Variants in SULT4A1 observed in about 807,000 individuals in gnomAD.
SULT4A1 encodes sulfotransferase 4A1.
Under a neutral mutation model 35.2 loss-of-function variants are expected in SULT4A1, and 11 were observed. The observed-to-expected ratio is 0.31, with a 90% confidence interval of 0.20 to 0.52. SULT4A1 has a LOEUF of 0.52. Among genes scored for constraint, SULT4A1 ranks in the 20% least tolerant of loss-of-function variants. The pLI is 0.97. For missense variants in SULT4A1, 271 were observed against 383.7 expected (o/e 0.71, Z 2.45); for synonymous variants, 152 against 151.8 (o/e 1.00, Z -0.01).
intron 1 of SULT4A1, among the ~76,000 whole-genome samples, chr22:43,849,652 G>C (rs981150082): frequency 6.6e-6 from 1 of 152,136 alleles, no homozygotes; most frequent in Non-Finnish European, 1.5e-5. Flanking sequence ...TTCCCGCTGA[G>C]AGCCACTTTC....
At chr22:43,854,735 T>C (rs1372820932) in intron 1 of SULT4A1, among the ~76,000 whole-genome samples, 1 of 152,178 alleles carries the variant, frequency 6.6e-6, no homozygotes, top group African/African-American at 2.4e-5. Context: ...AGAAGGCTCC[T>C]GGCTGTGTTC....
intron 1 of SULT4A1, among the ~76,000 whole-genome samples, chr22:43,849,763 G>C (rs1603408880): frequency 6.6e-6 from 1 of 152,168 alleles, no homozygotes; most frequent in African/African-American, 2.4e-5. Context: ...GAGTGCAGGT[G>C]CAAAAGGCTG....
In SULT4A1 at chr22:43,840,042, G is replaced by A; in HGVS notation, c.301-17C>T. ...GGTCAGTTCCTGCGTGGAGTCAGAGGGAGAGGCAGGTCAGAGGAAAGGGTG... is the reference window on the plus strand; with the variant it reads ...GGTCAGTTCCTGCGTGGAGTCAGAGAGAGAGGCAGGTCAGAGGAAAGGGTG... On this transcript the variant is annotated splice_polypyrimidine_tract_variant and intron_variant, in intron 2 of 6. Transcript: ENST00000330884. 6.3e-7 allele frequency: 1 copy of A among 1,592,220 alleles called. No homozygotes were observed. Among genetic ancestry groups the A allele is most frequent in the Non-Finnish European group, 8.6e-7 (1 of 1,169,318 alleles).
chr22:43,855,128 G>A (rs2049388457), intron 1 of SULT4A1, among the ~76,000 whole-genome samples: 1 of 152,140 alleles, frequency 6.6e-6, no homozygotes, highest in South Asian at 2.1e-4. Flanking sequence ...CACAGTGGAC[G>A]AGGCACTGAC....
chr22:43,837,508 C>T (rs2063387068), intron 4 of SULT4A1, among the ~76,000 whole-genome samples: 1 of 152,138 alleles, frequency 6.6e-6, no homozygotes, highest in Non-Finnish European at 1.5e-5. Context: ...GGTGCCAGGG[C>T]CAAGAGGCCA....
intron 1 of SULT4A1, among the ~76,000 whole-genome samples, chr22:43,844,610 G>A (rs557714195): frequency 3.3e-4 from 50 of 152,340 alleles, no homozygotes; most frequent in Non-Finnish European, 6.0e-4. Context: ...CATTTACTGA[G>A]GCCCTCTGAG....
chr22:43,854,382 G>A (rs964058431), intron 1 of SULT4A1, among the ~76,000 whole-genome samples: 5 of 152,146 alleles, frequency 3.3e-5, no homozygotes, highest in Non-Finnish European at 7.4e-5. Flanking sequence ...AGCTGCCCCC[G>A]CCAAGCCCAG....
rs368575589 is a variant in SULT4A1 at position 43,839,918 on chromosome 22, C to A, written c.381+27G>T. 4 of 1,586,858 alleles carry A rather than the reference C, an allele frequency of 2.5e-6. No individual in the cohort carries two copies. The South Asian group carries it at 3.4e-5, about 14-fold the overall frequency. ...GGCTCCTCTTGGTGGGGACTCATCT[C>A]GGGAGGCAGAGGAGGTGCCAGCTTA... On this transcript the variant is annotated intron_variant, in intron 3 of 6. Coordinates refer to ENST00000330884, the MANE Select transcript of SULT4A1 (RefSeq NM_014351.4).
Position 43,825,984 on chromosome 22 carries a change from G to C in SULT4A1, c.*17C>G. 6.2e-7 allele frequency: 1 copy of C among 1,610,270 alleles called. No homozygotes were observed. On this transcript the variant is annotated 3_prime_UTR_variant, in exon 7 of 7. Coordinates refer to ENST00000330884, the MANE Select transcript of SULT4A1 (RefSeq NM_014351.4). ...ACTGTCTGGGTATTGTGAGCATGCA[G>C]GTTGTTGTTTCTGTTATTATAAATA... is the stretch of plus-strand genomic sequence containing the variant.
chr22:43,848,489 C>A (rs529025134), intron 1 of SULT4A1, among the ~76,000 whole-genome samples: 3 of 152,208 alleles, frequency 2.0e-5, no homozygotes, highest in Non-Finnish European at 4.4e-5. Flanking sequence ...CCACAGCCAA[C>A]CCTGTGGTTC....
chr22:43,853,012 C>T (rs2049359208), intron 1 of SULT4A1, among the ~76,000 whole-genome samples: 1 of 152,038 alleles, frequency 6.6e-6, no homozygotes, highest in African/African-American at 2.4e-5. Flanking sequence ...GAGTGCTTTA[C>T]ACACCCATCA....
intron 4 of SULT4A1, among the ~76,000 whole-genome samples, chr22:43,837,807 G>A (rs543812825): frequency 3.3e-5 from 5 of 152,240 alleles, no homozygotes; most frequent in East Asian, 1.9e-4. Context: ...ACTTAAACTC[G>A]AGGGCATTAC....
rs567936172 is a variant in SULT4A1, at chr22:43,860,096, G to A, written c.169+2118C>T. Reference sequence around the variant, plus strand: ...TTGAACCCCAGTTTCTCCATCAGCAGAGGGTGGGAAGGGGCTGACAAGGGA... The same window carrying A: ...TTGAACCCCAGTTTCTCCATCAGCAAAGGGTGGGAAGGGGCTGACAAGGGA... On this transcript the variant is annotated intron_variant, in intron 1 of 6. Transcript: ENST00000330884. Among the ~76,000 whole-genome samples the A allele has an allele frequency of 8.5e-5, 13 of 152,346 alleles. 1 individual carries two copies. The highest frequency in any genetic ancestry group is 7.8e-4 in the Admixed American group (12 of 15,306).
chr22:43,828,982 C>A, intron 6 of SULT4A1, 78 bp downstream of exon 6: 1 of 1,428,408 alleles, frequency 7.0e-7, no homozygotes. Flanking sequence ...GGACCGGACT[C>A]GGCTCCCTAA....
In SULT4A1 at chr22:43,862,440, CGCCCG is replaced by C; in HGVS notation, c.-63_-59del. The C allele has an allele frequency of 2.1e-6, 2 of 944,016 alleles. No homozygotes were observed. The highest frequency in any genetic ancestry group is 2.5e-6 in the Non-Finnish European group (2 of 799,962). The allele number at this position is 944,016 out of a possible 1,614,324, so 58.5% of individuals were successfully genotyped here. ...CCGGCTCGCAGCCCGCACGCGCCCG[CGCCCG>C]CGCCCGCGCCCGCGCCCCGCACACG... is the stretch of plus-strand genomic sequence containing the variant. On this transcript the variant is annotated 5_prime_UTR_variant, in exon 1 of 7. Transcript: ENST00000330884.
chr22:43,832,258 G>A (rs544312734), intron 5 of SULT4A1, among the ~76,000 whole-genome samples: 2 of 152,302 alleles, frequency 1.3e-5, no homozygotes, highest in Admixed American at 6.5e-5. Flanking sequence ...GACAGGTGGA[G>A]GCCCATGTAG....
chr22:43,848,943 C>T (rs553655543), intron 1 of SULT4A1, among the ~76,000 whole-genome samples: 1 of 152,250 alleles, frequency 6.6e-6, no homozygotes, highest in East Asian at 1.9e-4. Flanking sequence ...CTTCGCAAGT[C>T]GGCTGGAAGC....
Position 43,833,659 on chromosome 22 carries a change from T to C in SULT4A1, c.584A>G (p.Lys195Arg). ...ACTCACCCGATGCATGTCTTCATAC[T>C]TGAGAAAAAGCACGTTCGAGTCCAT... ...HRMDSNVLFL[K>R]YEDMHRDLVT... The change falls in exon 5 of 7, where the codon AAG becomes AGG. Residue 195 changes from lysine to arginine, a missense_variant. Transcript: ENST00000330884. 1 of 1,596,478 alleles carries C rather than the reference T, an allele frequency of 6.3e-7. No homozygotes were observed. Among genetic ancestry groups the C allele is most frequent in the Non-Finnish European group, 8.5e-7 (1 of 1,171,362 alleles).
At chr22:43,826,598 G>T in intron 6 of SULT4A1, 1 of 985,298 alleles carries the variant, frequency 1.0e-6, no homozygotes, top group Non-Finnish European at 1.2e-6. Context: ...CCACCAAGGC[G>T]TCATTGGCTT....
Sources: allele counts gnomAD v4.1 joint callset (sites outside exome capture counted in the v4.1 genomes callset), GRCh38; gene constraint gnomAD v4.1.1; transcripts MANE v1.5; gene names NCBI Gene and HGNC (gene_info 2026-07-23, HGNC 2026-07-21).